CCDC149: variants seen among roughly 807,000 people sequenced by gnomAD.
The protein encoded by CCDC149 is coiled-coil domain-containing protein 149.
CCDC149 carries 45 observed loss-of-function variants against 59.9 expected under a neutral mutation model. The observed-to-expected ratio is 0.75, with a 90% confidence interval of 0.59 to 0.96. The LOEUF is 0.96. Ranked by LOEUF, CCDC149 falls within the 40% of genes least tolerant of loss-of-function variation. The pLI, the probability that CCDC149 is intolerant of heterozygous loss-of-function variation, is 0.00. For synonymous variants in CCDC149, 245 were observed against 260.6 expected (o/e 0.94, Z 0.58); for missense variants, 584 against 664.7 (o/e 0.88, Z 1.33).
chr4:24,839,470 TG>T (rs761665439), intron 4 of CCDC149, among the ~76,000 whole-genome samples: 48 of 152,338 alleles, frequency 3.2e-4, no homozygotes, highest in Non-Finnish European at 5.6e-4. Context: ...TAAGCCACCG[TG>T]CCCGGCCTTT....
At chr4:24,881,887 G>A (rs1003802134) in intron 1 of CCDC149, among the ~76,000 whole-genome samples, 3 of 152,178 alleles carry the variant, frequency 2.0e-5, no homozygotes, top group African/African-American at 7.2e-5. Flanking sequence ...GAAAGTGTTT[G>A]CATAATGTGC....
downstream of CCDC149, among the ~76,000 whole-genome samples, chr4:24,805,255 GC>G (rs1219167364): frequency 6.6e-6 from 1 of 152,118 alleles, no homozygotes; most frequent in Non-Finnish European, 1.5e-5. Context: ...TGGCAATCCA[GC>G]CGGAAAAATA....
intron 1 of CCDC149, among the ~76,000 whole-genome samples, chr4:24,898,247 C>A (rs78584670): frequency 6.6e-6 from 1 of 152,306 alleles, no homozygotes; most frequent in African/African-American, 2.4e-5. Context: ...CACACTTTCA[C>A]ATACATCATC....
At chr4:24,869,351 G>A (rs1718889740) in intron 3 of CCDC149, among the ~76,000 whole-genome samples, 1 of 152,194 alleles carries the variant, frequency 6.6e-6, no homozygotes, top group Non-Finnish European at 1.5e-5. Flanking sequence ...GGAGATGAGA[G>A]CTGAGGAGAG....
At chr4:24,934,519 C>G (rs1054277007) in intron 1 of CCDC149, among the ~76,000 whole-genome samples, 1 of 152,250 alleles carries the variant, frequency 6.6e-6, no homozygotes, top group Non-Finnish European at 1.5e-5. Flanking sequence ...GCTACCTCTT[C>G]TGCATTCTCT....
rs924130220 is a variant in CCDC149, at chr4:24,921,676, G to A, written c.-64-26558C>T. 3.9e-5 allele frequency among the ~76,000 whole-genome samples: 6 copies of A among 152,252 alleles called. No individual in the cohort carries two copies. The East Asian group carries it at 1.2e-3, about 29-fold the overall frequency. On this transcript the variant is annotated intron_variant, in intron 1 of 12. Transcript: ENST00000389609. The stretch of plus-strand genomic sequence containing the variant: ...CCGCCAGCGCCCACATGTGGGAATG[G>A]CAGCCTCTGGCCTGCATTTCATGGG...
At chr4:24,953,858 A>G (rs1322561239) in intron 1 of CCDC149, among the ~76,000 whole-genome samples, 1 of 152,210 alleles carries the variant, frequency 6.6e-6, no homozygotes, top group African/African-American at 2.4e-5. Context: ...AAAAGAAACC[A>G]AAAGAAATTA....
intron 4 of CCDC149, among the ~76,000 whole-genome samples, chr4:24,840,085 A>C (rs1184837519): frequency 6.6e-6 from 1 of 152,268 alleles, no homozygotes; most frequent in African/African-American, 2.4e-5. Context: ...TATTAACTAA[A>C]TTGAAATAAT....
chr4:24,881,882 T>C (rs183320591), intron 1 of CCDC149, among the ~76,000 whole-genome samples: 205 of 152,296 alleles, frequency 1.3e-3, no homozygotes, highest in African/African-American at 4.5e-3. Flanking sequence ...TAAATGAAAG[T>C]GTTTGCATAA....
At position 24,808,520 on chromosome 4, in the gene CCDC149, T is replaced by C; in HGVS notation, c.1492A>G (p.Ile498Val). ...TGAGATTTAGGGAGCTCCCCCTGGA[T>C]GGCCAGGCCTGGCGGGGCTGGCCCC... Residue 498 changes from isoleucine to valine, a missense_variant, in exon 13 of 13, where the codon ATC becomes GTC. Physicochemically the swap from Ile to Val is conservative, Grantham distance 29. Transcript: ENST00000635206. 1 of 1,534,852 alleles carries C rather than the reference T, an allele frequency of 6.5e-7. No homozygotes were observed. The highest frequency in any genetic ancestry group is 2.5e-5 in the East Asian group (1 of 40,738).
At chr4:24,966,521 G>A (rs1305858299) in intron 1 of CCDC149, among the ~76,000 whole-genome samples, 1 of 152,086 alleles carries the variant, frequency 6.6e-6, no homozygotes, top group East Asian at 1.9e-4. Flanking sequence ...AGGGGTCTGG[G>A]ATGTAAAGAA....
intron 12 of CCDC149, among the ~76,000 whole-genome samples, chr4:24,813,587 T>G (rs1198016285): frequency 1.3e-5 from 2 of 149,952 alleles, no homozygotes; most frequent in East Asian, 3.9e-4. Flanking sequence ...TTAGAATTTC[T>G]GCAACGTGTA....
chr4:24,820,251 C>T, intron 11 of CCDC149: 1 of 357,550 alleles, frequency 2.8e-6, no homozygotes, highest in South Asian at 4.3e-5. Context: ...GATGTATATT[C>T]ATCTTGCTTC....
chr4:24,910,943 T>G (rs1186882118), intron 1 of CCDC149, among the ~76,000 whole-genome samples: 1 of 152,184 alleles, frequency 6.6e-6, no homozygotes, highest in Non-Finnish European at 1.5e-5. Context: ...AGGTGGGAAG[T>G]AAGTTAGACC....
At chr4:24,860,969 T>C (rs958594568) in intron 3 of CCDC149, among the ~76,000 whole-genome samples, 3 of 152,150 alleles carry the variant, frequency 2.0e-5, no homozygotes, top group African/African-American at 7.2e-5. Flanking sequence ...ATAATAGATG[T>C]TGGCATGGAT....
At chr4:24,823,806 T>C (rs1196392661) in intron 9 of CCDC149, among the ~76,000 whole-genome samples, 3 of 152,262 alleles carry the variant, frequency 2.0e-5, no homozygotes, top group African/African-American at 7.2e-5. Context: ...TCTAGGTACT[T>C]AGAGCTTTTC....
At chr4:24,927,892 G>A (rs1407794499) in intron 1 of CCDC149, among the ~76,000 whole-genome samples, 1 of 151,540 alleles carries the variant, frequency 6.6e-6, no homozygotes, top group Non-Finnish European at 1.5e-5. Context: ...CTATACCTGT[G>A]CACATCCATG....
intron 4 of CCDC149, among the ~76,000 whole-genome samples, chr4:24,842,404 G>T (rs1344753826): frequency 2.0e-5 from 3 of 152,122 alleles, no homozygotes; most frequent in Admixed American, 2.0e-4. Context: ...GGCAAATGAT[G>T]TTGATTTTCC....
At chr4:24,961,339 G>A (rs900452571) in intron 1 of CCDC149, among the ~76,000 whole-genome samples, 14 of 152,112 alleles carry the variant, frequency 9.2e-5, no homozygotes, top group Admixed American at 3.9e-4. Flanking sequence ...AGCATGCTCC[G>A]CTCATGGGTA....
Sources: allele counts gnomAD v4.1 joint callset (sites outside exome capture counted in the v4.1 genomes callset), GRCh38; gene constraint gnomAD v4.1.1; transcripts MANE v1.5; gene names NCBI Gene and HGNC (gene_info 2026-07-23, HGNC 2026-07-21).